The following GPR107 variants were observed in gnomAD, a reference collection of about 807,000 sequenced individuals.
GPR107 encodes G protein-coupled receptor 107.
GPR107 carries 31 observed loss-of-function variants against 75.5 expected under a neutral mutation model. That is an observed-to-expected ratio of 0.41 (90% CI 0.31 to 0.55). The LOEUF is 0.55. Ranked by LOEUF, GPR107 falls within the 20% of genes least tolerant of loss-of-function variation. The pLI is 0.26. For synonymous variants in GPR107, 267 were observed against 251.3 expected (o/e 1.06, Z -0.59); for missense variants, 572 against 665.7 (o/e 0.86, Z 1.55).
chr9:130,064,727 G>C (rs1830028555), intron 1 of GPR107, among the ~76,000 whole-genome samples: 1 of 152,148 alleles, frequency 6.6e-6, no homozygotes, highest in Admixed American at 6.6e-5. Flanking sequence ...TATGCGGTTA[G>C]GGTGGGCCCT....
At chr9:130,062,616 GCCTGCCTT>G (rs1377706663) in intron 1 of GPR107, among the ~76,000 whole-genome samples, 5 of 120,278 alleles carry the variant, frequency 4.2e-5, no homozygotes, top group East Asian at 2.5e-4. Flanking sequence ...CTGCCTGCCT[GCCTGCCTT>G]CCTGCCTTCC....
intron 1 of GPR107, among the ~76,000 whole-genome samples, chr9:130,054,606 C>T (rs1212957205): frequency 6.6e-6 from 1 of 152,162 alleles, no homozygotes; most frequent in African/African-American, 2.4e-5. Context: ...AATGTAAAGC[C>T]AGCATTAAGG....
chr9:130,129,081 C>A, intron 17 of GPR107: 1 of 197,890 alleles, frequency 5.1e-6, no homozygotes, highest in Non-Finnish European at 1.0e-5. Flanking sequence ...AACAGGGGGC[C>A]GACTTTCTGT....
Position 130,096,429 on chromosome 9 carries a change from T to G in GPR107, c.864-3028T>G, listed in dbSNP as rs2132600384. Among the ~76,000 whole-genome samples, 2 of 151,314 alleles carry G rather than the reference T, an allele frequency of 1.3e-5. 1 individual carries two copies. Among genetic ancestry groups the G allele is most frequent in the South Asian group, 4.2e-4 (2 of 4,806 alleles). ...CCCCTCTCCCACTCCTTCCCAGTAG[T>G]GGAGAACTGCTCAAATGTGTTGCAT... On this transcript the variant is annotated intron_variant, in intron 9 of 17. Transcript: ENST00000347136.
intron 5 of GPR107, among the ~76,000 whole-genome samples, chr9:130,081,197 C>CGT (rs1323205926): frequency 6.6e-6 from 1 of 151,864 alleles, no homozygotes; most frequent in East Asian, 2.0e-4. Context: ...AGAACAAGAC[C>CGT]CTGTCTCCGA....
intron 14 of GPR107, among the ~76,000 whole-genome samples, chr9:130,119,252 G>A (rs890137910): frequency 5.9e-5 from 9 of 152,192 alleles, no homozygotes; most frequent in Non-Finnish European, 1.2e-4. Context: ...ATATGGCAGC[G>A]CTGCTTGCAG....
chr9:130,087,221 A>T (rs966380792), intron 7 of GPR107, among the ~76,000 whole-genome samples: 5 of 151,566 alleles, frequency 3.3e-5, no homozygotes, highest in African/African-American at 1.2e-4. Context: ...AATTTTTTGT[A>T]GAGATGAGGT....
intron 1 of GPR107, among the ~76,000 whole-genome samples, chr9:130,067,465 C>T (rs1002113122): frequency 1.3e-5 from 2 of 152,086 alleles, no homozygotes; most frequent in Non-Finnish European, 2.9e-5. Flanking sequence ...GGTTAGCGCA[C>T]CTTCCATTTT....
chr9:130,091,314 C>T (rs776992854), intron 8 of GPR107, among the ~76,000 whole-genome samples: 5 of 152,026 alleles, frequency 3.3e-5, no homozygotes, highest in Non-Finnish European at 7.3e-5. Context: ...TATGGCAAAA[C>T]CCTCTCTCTA....
chr9:130,077,386 A>T lies in GPR107; in HGVS notation c.386+8A>T. 7.4e-7 allele frequency: 1 copy of T among 1,358,652 alleles called. No homozygotes were observed. The highest frequency in any genetic ancestry group is 1.1e-6 in the Non-Finnish European group (1 of 946,408). 84.2% of individuals were successfully genotyped at this position (1,358,652 alleles called of 1,614,324 possible). A position where few individuals can be genotyped will look rare whatever the true frequency, so the allele number is the denominator to read the frequency against. ...AGACATCTCCAGAAGTGAGTAAGTA[A>T]TTCTAAAGTTCCTTCAGTTCAGTCC... On this transcript the variant is annotated splice_region_variant and intron_variant, in intron 4 of 17. Coordinates refer to ENST00000347136, the MANE Select transcript of GPR107 (RefSeq NM_020960.5).
intron 14 of GPR107, among the ~76,000 whole-genome samples, chr9:130,111,213 G>C (rs886864301): frequency 3.9e-5 from 6 of 151,938 alleles, no homozygotes; most frequent in African/African-American, 1.4e-4. Flanking sequence ...GGCCTGTAAT[G>C]CTAGCGCTTT....
intron 14 of GPR107, among the ~76,000 whole-genome samples, chr9:130,110,902 C>T (rs1831282557): frequency 6.6e-6 from 1 of 152,194 alleles, no homozygotes; most frequent in African/African-American, 2.4e-5. Flanking sequence ...ATAATGTCTC[C>T]TATTAGATTT....
intron 12 of GPR107, 145 bp downstream of exon 12, chr9:130,101,368 G>A (rs1831028994): frequency 1.5e-6 from 1 of 671,426 alleles, no homozygotes; most frequent in Admixed American, 2.3e-5. Context: ...TTCTCTTTCT[G>A]AATTCTGAAC....
intron 9 of GPR107, among the ~76,000 whole-genome samples, chr9:130,096,355 C>T (rs868380985): frequency 4.6e-5 from 7 of 152,070 alleles, no homozygotes; most frequent in Admixed American, 1.3e-4. Context: ...CTCATTCTCA[C>T]TTGGTGCCAG....
chr9:130,082,106 G>A (rs1022073393), intron 5 of GPR107, among the ~76,000 whole-genome samples: 2 of 152,166 alleles, frequency 1.3e-5, no homozygotes, highest in Middle Eastern at 3.4e-3. Context: ...GCCTGAACTC[G>A]GAGCAAGAAC....
intron 14 of GPR107, among the ~76,000 whole-genome samples, chr9:130,124,586 A>G (rs1047236553): frequency 1.3e-5 from 2 of 152,128 alleles, no homozygotes; most frequent in African/African-American, 4.8e-5. Context: ...GGGGGAAAAA[A>G]TTCCTGATTT....
chr9:130,100,031 A>C (rs1428262531), intron 10 of GPR107, among the ~76,000 whole-genome samples: 1 of 151,322 alleles, frequency 6.6e-6, no homozygotes, highest in African/African-American at 2.4e-5. Flanking sequence ...AGTAGCTGGG[A>C]CTACAGGCGC....
rs534915037 is a variant in GPR107 at position 130,135,339 on chromosome 9, C to A, written c.*218C>A. 3.1e-6 allele frequency: 1 copy of A among 326,868 alleles called. No homozygotes were observed. Among genetic ancestry groups the A allele is most frequent in the Non-Finnish European group, 5.7e-6 (1 of 176,664 alleles). The allele number at this position is 326,868 out of a possible 1,614,324, so 20.2% of individuals were successfully genotyped here. On this transcript the variant is annotated 3_prime_UTR_variant, in exon 18 of 18. Transcript: ENST00000347136. Reference sequence around the variant, plus strand: ...AGAGGCAGCTGGATCCTCTTTCAGGCGGGAATGGGAGGGCGGGCACAGGGA... The same window carrying A: ...AGAGGCAGCTGGATCCTCTTTCAGGAGGGAATGGGAGGGCGGGCACAGGGA...
intron 5 of GPR107, chr9:130,083,344 C>A: frequency 2.8e-6 from 1 of 353,556 alleles, no homozygotes; most frequent in Non-Finnish European, 5.1e-6. Context: ...TTACTATTAC[C>A]GGTTACTAGA....
Sources: allele counts gnomAD v4.1 joint callset (sites outside exome capture counted in the v4.1 genomes callset), GRCh38; gene constraint gnomAD v4.1.1; transcripts MANE v1.5; gene names NCBI Gene and HGNC (gene_info 2026-07-23, HGNC 2026-07-21).